The following CHRM3 variants were observed in gnomAD, a reference collection of about 807,000 sequenced individuals.
CHRM3 encodes cholinergic receptor muscarinic 3, also known as muscarinic acetylcholine receptor M3.
In CHRM3, 11 loss-of-function variants were observed where a neutral mutation model predicts 41.8. The observed-to-expected ratio is 0.26, with a 90% confidence interval of 0.17 to 0.44. The LOEUF is 0.44. Ranked by LOEUF, CHRM3 falls within the 20% of genes least tolerant of loss-of-function variation. The probability of loss-of-function intolerance (pLI) is 1.00; values close to 1 mark genes in which losing one functional copy is unlikely to be tolerated. For missense variants in CHRM3, 571 were observed against 745.4 expected (o/e 0.77, Z 2.72); for synonymous variants, 297 against 301.4 (o/e 0.99, Z 0.15).
intron 6 of CHRM3, among the ~76,000 whole-genome samples, chr1:239,898,659 G>C (rs926139988): frequency 6.6e-6 from 1 of 152,128 alleles, no homozygotes; most frequent in Admixed American, 6.5e-5. Context: ...TGGTTCAGCA[G>C]GTTTAAAAAT....
chr1:239,568,354 C>A (rs117299198), intron 3 of CHRM3, among the ~76,000 whole-genome samples: 2 of 152,120 alleles, frequency 1.3e-5, no homozygotes, highest in Non-Finnish European at 2.9e-5. Flanking sequence ...GTAAGTTTCA[C>A]GAGATCTGAT....
intron 5 of CHRM3, among the ~76,000 whole-genome samples, chr1:239,779,101 T>A (rs1572265295): frequency 6.6e-6 from 1 of 152,246 alleles, no homozygotes; most frequent in African/African-American, 2.4e-5. Context: ...AAACTTCACT[T>A]GTGGGATTTG....
chr1:239,450,321 T>G (rs1010117268), intron 1 of CHRM3, among the ~76,000 whole-genome samples: 1 of 152,210 alleles, frequency 6.6e-6, no homozygotes, highest in African/African-American at 2.4e-5. Flanking sequence ...TTTGCCATAT[T>G]TCTTTCCAGT....
chr1:239,650,005 A>C (rs1029049174), intron 4 of CHRM3, among the ~76,000 whole-genome samples: 1 of 152,204 alleles, frequency 6.6e-6, no homozygotes. Flanking sequence ...ACAGTTACTG[A>C]GCTCAGGGTC....
chr1:239,859,216 A>T (rs1476867714), intron 6 of CHRM3, among the ~76,000 whole-genome samples: 1 of 152,164 alleles, frequency 6.6e-6, no homozygotes, highest in African/African-American at 2.4e-5. Flanking sequence ...CCAGCGGTGT[A>T]TGAGAGTTTG....
At chr1:239,827,589 A>G (rs1672555724) in intron 6 of CHRM3, among the ~76,000 whole-genome samples, 1 of 152,208 alleles carries the variant, frequency 6.6e-6, no homozygotes. Context: ...ATTAAATGAC[A>G]TAGGGTGGGT....
chr1:239,770,015 G>A (rs1434129707), intron 5 of CHRM3, among the ~76,000 whole-genome samples: 3 of 152,078 alleles, frequency 2.0e-5, no homozygotes, highest in African/African-American at 7.2e-5. Flanking sequence ...AAAGCCAAAC[G>A]TAATGATCTT....
At chr1:239,710,244 A>G (rs1196333118) in intron 5 of CHRM3, among the ~76,000 whole-genome samples, 1 of 152,160 alleles carries the variant, frequency 6.6e-6, no homozygotes, top group Non-Finnish European at 1.5e-5. Context: ...GTATGCATAT[A>G]GATACTCTCT....
intron 1 of CHRM3, among the ~76,000 whole-genome samples, chr1:239,451,153 G>A (rs1014286554): frequency 6.6e-5 from 10 of 152,166 alleles, no homozygotes; most frequent in Non-Finnish European, 1.5e-5. Flanking sequence ...GAGCCCGGGG[G>A]TTGGAGGCTG....
chr1:239,578,124 G>C (rs780575868), intron 3 of CHRM3, among the ~76,000 whole-genome samples: 3 of 152,134 alleles, frequency 2.0e-5, no homozygotes, highest in Non-Finnish European at 4.4e-5. Context: ...AGGTTTATGA[G>C]AGCCCCAGAG....
intron 6 of CHRM3, among the ~76,000 whole-genome samples, chr1:239,870,883 A>G (rs1572546163): frequency 6.6e-6 from 1 of 152,164 alleles, no homozygotes; most frequent in African/African-American, 2.4e-5. Context: ...CGCCTAAGGC[A>G]TACCTGAAAG....
chr1:239,855,940 A>T (rs1326573613), intron 6 of CHRM3, among the ~76,000 whole-genome samples: 2 of 152,136 alleles, frequency 1.3e-5, no homozygotes, highest in African/African-American at 4.8e-5. Context: ...AATGTAACAA[A>T]TTTTTATGTT....
chr1:239,479,190 C>CCACACACACACACA (rs56202845), intron 1 of CHRM3, among the ~76,000 whole-genome samples: 198 of 139,980 alleles, frequency 1.4e-3, no homozygotes, highest in African/African-American at 4.7e-3. Context: ...TTTCAAAAAA[C>CCACACACACACACA]CACACACACA....
intron 5 of CHRM3, among the ~76,000 whole-genome samples, chr1:239,793,803 A>ATGTGTTTTTTTT (rs1669531122): frequency 1.4e-5 from 1 of 69,496 alleles, no homozygotes; most frequent in Non-Finnish European, 2.5e-5. Flanking sequence ...TGAAATGTGT[A>ATGTGTTTTTTTT]TTTTTTTTTT....
intron 1 of CHRM3, among the ~76,000 whole-genome samples, chr1:239,426,054 ATG>A (rs1173479760): frequency 7.3e-5 from 11 of 150,264 alleles, no homozygotes; most frequent in Admixed American, 1.3e-4. Context: ...TTAGTTACAT[ATG>A]TATACACGTG....
chr1:239,540,565 T>C (rs1488371404), intron 2 of CHRM3, among the ~76,000 whole-genome samples: 1 of 152,226 alleles, frequency 6.6e-6, no homozygotes, highest in Non-Finnish European at 1.5e-5. Context: ...ACATTATGTT[T>C]GTTTTAACAT....
At chr1:239,557,608 G>A (rs1660484887) in intron 3 of CHRM3, among the ~76,000 whole-genome samples, 1 of 152,056 alleles carries the variant, frequency 6.6e-6, no homozygotes, top group South Asian at 2.1e-4. Flanking sequence ...GCATGCATTA[G>A]CACTTTTCTC....
intron 1 of CHRM3, among the ~76,000 whole-genome samples, chr1:239,456,735 T>A: frequency 6.6e-6 from 1 of 152,198 alleles, no homozygotes; most frequent in East Asian, 1.9e-4. Context: ...GAACTGGGGC[T>A]GTGGAAGAGA....
At chr1:239,901,164 T>C (rs184184169) in intron 6 of CHRM3, among the ~76,000 whole-genome samples, 2 of 152,118 alleles carry the variant, frequency 1.3e-5, no homozygotes, top group Non-Finnish European at 2.9e-5. Context: ...CTTCTTTGAG[T>C]CTGATCAATA....
Sources: gnomAD v4.1 joint callset for allele counts (sites outside exome capture counted in the v4.1 genomes callset) on GRCh38, gnomAD v4.1.1 for gene constraint, MANE v1.5 for transcripts, NCBI Gene and HGNC (gene_info 2026-07-23, HGNC 2026-07-21) for gene names.